Variants in C11orf52 observed in about 807,000 individuals in gnomAD.
C11orf52 encodes chromosome 11 open reading frame 52.
C11orf52 carries 9 observed loss-of-function variants against 11.7 expected under a neutral mutation model. That is an observed-to-expected ratio of 0.77 (90% CI 0.46 to 1.34). C11orf52 has a LOEUF of 1.34. Among genes scored for constraint, C11orf52 ranks in the 40% most tolerant of loss-of-function variants. The pLI is 0.00. For missense variants in C11orf52, 139 were observed against 154.8 expected (o/e 0.90, Z 0.54); for synonymous variants, 49 against 57.4 (o/e 0.85, Z 0.66).
In C11orf52 at chr11:111,919,210, C is replaced by G. The variant is rs1965647232; in HGVS notation, c.32+206C>G. The G allele has an allele frequency of 3.3e-5, 20 of 612,134 alleles. No homozygotes were observed. The South Asian group carries it at 3.3e-4, about 10-fold the overall frequency. 37.9% of individuals were successfully genotyped at this position (612,134 alleles called of 1,614,324 possible). On this transcript the variant is annotated intron_variant, in intron 1 of 3. Transcript: ENST00000278601. ...AGCCAAGTGGCTGGGCGCGGTGGCT[C>G]ACGCCTCTACTCCCAGCACTTTGGG...
In C11orf52 at chr11:111,926,232, C is replaced by A; in HGVS notation, c.*33C>A. The A allele has an allele frequency of 6.2e-7, 1 of 1,608,220 alleles. No homozygotes were observed. The highest frequency in any genetic ancestry group is 8.5e-7 in the Non-Finnish European group (1 of 1,176,128). ...GGAGGAAGGCCCAGTCCATCGTTAA[C>A]CACTACACCTGTGGGGGAGAACCTA... On this transcript the variant is annotated 3_prime_UTR_variant, in exon 4 of 4. Coordinates refer to ENST00000278601, the MANE Select transcript of C11orf52 (RefSeq NM_080659.3).
chr11:111,926,266 G>C lies in C11orf52; in HGVS notation c.*67G>C. 3.1e-6 allele frequency: 5 copies of C among 1,587,922 alleles called. No homozygotes were observed. The highest frequency in any genetic ancestry group is 1.1e-5 in the South Asian group (1 of 88,964). Reference sequence around the variant, plus strand: ...CTGTGGGGGAGAACCTACTGCTTTGGGGAATTGGGTGGCAACCCAGGGATG... The same window carrying C: ...CTGTGGGGGAGAACCTACTGCTTTGCGGAATTGGGTGGCAACCCAGGGATG... On this transcript the variant is annotated 3_prime_UTR_variant, in exon 4 of 4. Transcript: ENST00000278601.
chr11:111,925,630 T>G, intron 2 of C11orf52, 23 bp from the exon 3 acceptor site: 1 of 1,612,464 alleles, frequency 6.2e-7, no homozygotes, highest in Non-Finnish European at 8.5e-7. Context: ...AGAATAAACT[T>G]AAGTTGGATT....
intron 2 of C11orf52, 88 bp from the exon 3 acceptor site, chr11:111,925,565 G>A (rs1965781712): frequency 2.3e-6 from 3 of 1,332,412 alleles, no homozygotes; most frequent in African/African-American, 1.5e-5. Flanking sequence ...GAAGCCTGCC[G>A]TTAATAGTTT....
chr11:111,921,038 C>T (rs1425688522), intron 1 of C11orf52, among the ~76,000 whole-genome samples: 1 of 152,192 alleles, frequency 6.6e-6, no homozygotes, highest in East Asian at 1.9e-4. Context: ...ATTTTCATCA[C>T]TGCCATGCCG....
intron 1 of C11orf52, among the ~76,000 whole-genome samples, chr11:111,919,973 A>T (rs1459532191): frequency 2.6e-5 from 4 of 152,230 alleles, no homozygotes; most frequent in East Asian, 1.9e-4. Flanking sequence ...AGGCGGGTGG[A>T]TCACGAGGTC....
intron 1 of C11orf52, among the ~76,000 whole-genome samples, chr11:111,922,112 G>A (rs185717417): frequency 6.6e-5 from 10 of 152,326 alleles, no homozygotes; most frequent in East Asian, 3.9e-4. Flanking sequence ...CATTACAGGC[G>A]TGAGCCACCG....
At chr11:111,925,022 G>A (rs1965764090) in intron 2 of C11orf52, among the ~76,000 whole-genome samples, 1 of 152,140 alleles carries the variant, frequency 6.6e-6, no homozygotes, top group South Asian at 2.1e-4. Flanking sequence ...TACTTGGGAG[G>A]CCAAGGCACG....
intron 1 of C11orf52, 92 bp downstream of exon 1, chr11:111,919,096 C>A: frequency 7.0e-7 from 1 of 1,425,996 alleles, no homozygotes. Context: ...TAGTTGTCTG[C>A]CAGCCTCCCA....
chr11:111,924,257 C>A, intron 1 of C11orf52, 69 bp from the exon 2 acceptor site: 1 of 1,463,036 alleles, frequency 6.8e-7, no homozygotes, highest in Non-Finnish European at 9.5e-7. Flanking sequence ...GACCACAGAG[C>A]AAATGATGAT....
chr11:111,925,982 CG>C lies in C11orf52; in HGVS notation c.156del (p.Tyr53MetfsTer40). The C allele has an allele frequency of 6.8e-6, 11 of 1,614,196 alleles. No individual in the cohort carries two copies. Among genetic ancestry groups the C allele is most frequent in the Non-Finnish European group, 9.3e-6 (11 of 1,180,018 alleles). On this transcript the variant is annotated frameshift_variant, in exon 4 of 4. Coordinates refer to ENST00000278601, the MANE Select transcript of C11orf52 (RefSeq NM_080659.3). LOFTEE classifies it low-confidence loss of function (END_TRUNC). ...LPKGHETTGH[T>X]YERVLQQQGS... Reference sequence around the variant, plus strand: ...CAGGGCCATGAAACAACAGGACATACGTATGAACGGGTGTTACAGCAGCAAG... The same window carrying C: ...CAGGGCCATGAAACAACAGGACATACTATGAACGGGTGTTACAGCAGCAAG...
chr11:111,919,294 G>T, intron 1 of C11orf52: 1 of 374,666 alleles, frequency 2.7e-6, no homozygotes, highest in Non-Finnish European at 5.0e-6. Flanking sequence ...CCAACATGGT[G>T]AAACCCCGTC....
chr11:111,920,589 C>G (rs1965678252), intron 1 of C11orf52, among the ~76,000 whole-genome samples: 1 of 151,102 alleles, frequency 6.6e-6, no homozygotes, highest in South Asian at 2.1e-4. Context: ...CATAGGGTGG[C>G]CCCATCTCTA....
intron 1 of C11orf52, among the ~76,000 whole-genome samples, chr11:111,920,066 G>A (rs1269477852): frequency 6.6e-6 from 1 of 151,912 alleles, no homozygotes; most frequent in East Asian, 1.9e-4. Context: ...GTGGTGGTGG[G>A]TGCCTGTAGT....
intron 1 of C11orf52, chr11:111,924,102 G>A (rs1284845701): frequency 2.3e-6 from 1 of 437,722 alleles, no homozygotes; most frequent in Non-Finnish European, 4.1e-6. Context: ...TTTGGGTCTG[G>A]TTATGTCAGT....
At position 111,926,279 on chromosome 11, in the gene C11orf52, C is replaced by T; in HGVS notation, c.*80C>T. On this transcript the variant is annotated 3_prime_UTR_variant, in exon 4 of 4. Coordinates refer to ENST00000278601, the MANE Select transcript of C11orf52 (RefSeq NM_080659.3). Reference sequence around the variant, plus strand: ...CCTACTGCTTTGGGGAATTGGGTGGCAACCCAGGGATGTTGTCCACGTTTT... The same window carrying T: ...CCTACTGCTTTGGGGAATTGGGTGGTAACCCAGGGATGTTGTCCACGTTTT... 1 of 1,574,052 alleles carries T rather than the reference C, an allele frequency of 6.4e-7. No homozygotes were observed. The highest frequency in any genetic ancestry group is 8.7e-7 in the Non-Finnish European group (1 of 1,156,004).
At chr11:111,920,235 T>C (rs1965669818) in intron 1 of C11orf52, among the ~76,000 whole-genome samples, 1 of 151,448 alleles carries the variant, frequency 6.6e-6, no homozygotes, top group Non-Finnish European at 1.5e-5. Flanking sequence ...TAAAATAAAA[T>C]AAATTAAAGG....
At chr11:111,922,769 G>A (rs1315878179) in intron 1 of C11orf52, among the ~76,000 whole-genome samples, 1 of 152,044 alleles carries the variant, frequency 6.6e-6, no homozygotes. Context: ...ATCCATATTT[G>A]TACATGTATA....
chr11:111,919,119 TCTGC>T, intron 1 of C11orf52, 115 bp downstream of exon 1: 1 of 1,159,732 alleles, frequency 8.6e-7, no homozygotes, highest in East Asian at 2.6e-5. Context: ...GCCACCTTCC[TCTGC>T]CTGGTACCTC....
Sources: allele counts gnomAD v4.1 joint callset (sites outside exome capture counted in the v4.1 genomes callset), GRCh38; gene constraint gnomAD v4.1.1; transcripts MANE v1.5; gene names NCBI Gene and HGNC (gene_info 2026-07-23, HGNC 2026-07-21).